Variants in CLDN14 observed in about 807,000 individuals in gnomAD.
CLDN14 encodes claudin-14.
CLDN14 carries 2 observed loss-of-function variants against 2.1 expected under a neutral mutation model. The ratio of observed to expected loss-of-function variants is 0.96; its 90% confidence interval spans 0.39 to 3.01. The LOEUF (loss-of-function observed/expected upper bound fraction) is 3.01. Ranked by LOEUF, CLDN14 falls within the 30% of genes most tolerant of loss-of-function variation. CLDN14 has a pLI of 0.09. For synonymous variants in CLDN14, 136 were observed against 154.4 expected, an observed-to-expected ratio of 0.88 and a Z score of 0.88; for missense variants, 298 against 328.0, an observed-to-expected ratio of 0.91 and a Z score of 0.71.
intron 1 of CLDN14, among the ~76,000 whole-genome samples, chr21:36,562,944 G>A (rs1254484069): frequency 2.0e-5 from 3 of 152,090 alleles, no homozygotes; most frequent in South Asian, 2.1e-4. Flanking sequence ...GCATGATTTC[G>A]AAGCCATAAC....
chr21:36,557,113 T>C (rs2087604243), intron 1 of CLDN14, among the ~76,000 whole-genome samples: 1 of 152,244 alleles, frequency 6.6e-6, no homozygotes, highest in Non-Finnish European at 1.5e-5. Flanking sequence ...TTGTCTCATA[T>C]TGTAGAATTT....
chr21:36,554,030 C>T (rs777426083), intron 1 of CLDN14, among the ~76,000 whole-genome samples: 9 of 152,112 alleles, frequency 5.9e-5, no homozygotes, highest in African/African-American at 1.2e-4. Context: ...TATATAAGCC[C>T]GGGTCTGGGG....
chr21:36,514,803 T>A (rs770603135), intron 1 of CLDN14, among the ~76,000 whole-genome samples: 32 of 152,158 alleles, frequency 2.1e-4, no homozygotes, highest in Non-Finnish European at 3.2e-4. Context: ...TGTTTCCTTC[T>A]CTTGCCTTGC....
chr21:36,503,173 C>A (rs1288301531), intron 2 of CLDN14, among the ~76,000 whole-genome samples: 1 of 152,206 alleles, frequency 6.6e-6, no homozygotes, highest in East Asian at 1.9e-4. Context: ...CCTGCCTCAG[C>A]CTCCCAAGTA....
chr21:36,550,346 C>T (rs1432965399), intron 1 of CLDN14, among the ~76,000 whole-genome samples: 2 of 152,198 alleles, frequency 1.3e-5, no homozygotes, highest in African/African-American at 4.8e-5. Flanking sequence ...ATGATACCAA[C>T]TTGGCTCCTC....
intron 1 of CLDN14, among the ~76,000 whole-genome samples, chr21:36,548,815 C>G (rs893333365): frequency 2.0e-5 from 3 of 152,104 alleles, no homozygotes; most frequent in Non-Finnish European, 2.9e-5. Context: ...TGAGGAAGCC[C>G]CTTCCACACT....
chr21:36,495,640 C>T (rs1247043485), intron 2 of CLDN14, among the ~76,000 whole-genome samples: 2 of 152,218 alleles, frequency 1.3e-5, no homozygotes, highest in Non-Finnish European at 2.9e-5. Context: ...CAGCCTGGAG[C>T]TTGGGGCTAG....
intron 1 of CLDN14, among the ~76,000 whole-genome samples, chr21:36,511,668 T>G (rs1423385471): frequency 6.6e-6 from 1 of 151,982 alleles, no homozygotes; most frequent in Non-Finnish European, 1.5e-5. Flanking sequence ...TCCTGTACAA[T>G]GGTAATTTTT....
chr21:36,569,504 T>A (rs2087694054), intron 1 of CLDN14, among the ~76,000 whole-genome samples: 1 of 152,348 alleles, frequency 6.6e-6, no homozygotes, highest in African/African-American at 2.4e-5. Flanking sequence ...GGAACACTCT[T>A]CATTCTGAAA....
At chr21:36,537,115 G>A (rs1406428931) in intron 1 of CLDN14, among the ~76,000 whole-genome samples, 3 of 152,202 alleles carry the variant, frequency 2.0e-5, no homozygotes, top group Admixed American at 6.5e-5. Context: ...GCTTGAACCC[G>A]GGAGGTGGAG....
Position 36,521,898 on chromosome 21 carries a change from T to C in CLDN14, c.-219-11398A>G, listed in dbSNP as rs1245003589. Among the ~76,000 whole-genome samples the C allele has an allele frequency of 2.6e-5, 4 of 152,074 alleles. No individual in the cohort carries two copies. In the East Asian group the frequency reaches 7.7e-4, roughly 29 times the overall value. On this transcript the variant is annotated intron_variant, in intron 1 of 2. Coordinates refer to the CLDN14 transcript ENST00000342108. ...ATCGTCACGATTCCCCAAATGAAAA[T>C]CACATTGGAAAATATCTAGTGTTTT...
At chr21:36,533,329 C>T (rs1287163495) in intron 1 of CLDN14, among the ~76,000 whole-genome samples, 2 of 152,192 alleles carry the variant, frequency 1.3e-5, no homozygotes, top group African/African-American at 4.8e-5. Flanking sequence ...CCCTTAGGTG[C>T]CAGGTTGGTG....
chr21:36,519,331 C>A (rs2087251340), intron 1 of CLDN14, among the ~76,000 whole-genome samples: 1 of 152,212 alleles, frequency 6.6e-6, no homozygotes, highest in Non-Finnish European at 1.5e-5. Context: ...AACCAATTGT[C>A]CTCACTTTGG....
intron 1 of CLDN14, among the ~76,000 whole-genome samples, chr21:36,475,744 T>A (rs1051899187): frequency 9.9e-5 from 15 of 151,288 alleles, no homozygotes; most frequent in Non-Finnish European, 1.3e-4. Context: ...TAACTTTTTT[T>A]ATTTTATTTT....
Position 36,479,532 on chromosome 21 carries a change from C to T in CLDN14, c.-119G>A, listed in dbSNP as rs1220548465. On this transcript the variant is annotated 5_prime_UTR_variant, in exon 1 of 2. Transcript: ENST00000399135. ...TCGAGTCTCATCTTCCTGTTCAGGT[C>T]CCTTGCCAGCCGGAGCCGCTCTGGA... 2 of 138,620 alleles carry T rather than the reference C, an allele frequency of 1.4e-5. No individual in the cohort carries two copies. The highest frequency in any genetic ancestry group is 2.4e-4 in the East Asian group (1 of 4,188). The allele number at this position is 138,620 out of a possible 1,614,324, so 8.6% of individuals were successfully genotyped here.
intron 1 of CLDN14, among the ~76,000 whole-genome samples, chr21:36,467,936 GCCCTGAGCCCTA>G (rs965768622): frequency 4.6e-5 from 7 of 152,178 alleles, no homozygotes; most frequent in African/African-American, 2.4e-5. Flanking sequence ...ACCCAGAACT[GCCCTGAGCCCTA>G]CTGTGCAGGT....
At chr21:36,564,945 A>G (rs1331444185) in intron 1 of CLDN14, among the ~76,000 whole-genome samples, 1 of 152,196 alleles carries the variant, frequency 6.6e-6, no homozygotes, top group Non-Finnish European at 1.5e-5. Context: ...AAGCAAGTTG[A>G]TTCCCCCAGG....
At chr21:36,553,732 C>G in intron 1 of CLDN14, among the ~76,000 whole-genome samples, 1 of 152,038 alleles carries the variant, frequency 6.6e-6, no homozygotes, top group Non-Finnish European at 1.5e-5. Flanking sequence ...GCAGGACCTG[C>G]TACAGTCAGC....
intron 1 of CLDN14, among the ~76,000 whole-genome samples, chr21:36,462,991 AGAG>A (rs1417292966): frequency 2.6e-5 from 4 of 151,146 alleles, no homozygotes; most frequent in Non-Finnish European, 4.4e-5. Context: ...AGAGGGAAGA[AGAG>A]GAGGGAGGGA....
Sources: gnomAD v4.1 joint callset for allele counts (sites outside exome capture counted in the v4.1 genomes callset) on GRCh38, gnomAD v4.1.1 for gene constraint, MANE v1.5 for transcripts, NCBI Gene and HGNC (gene_info 2026-07-23, HGNC 2026-07-21) for gene names.